PCLO: variants seen among roughly 807,000 people sequenced by gnomAD.
PCLO encodes the protein protein piccolo.
A neutral mutation model predicts 427.5 loss-of-function variants in PCLO; 82 were observed. The ratio of observed to expected loss-of-function variants is 0.19; its 90% CI spans 0.16 to 0.23. The LOEUF is 0.23. PCLO is among the 10% of genes least tolerant of loss of function. The pLI is 1.00. For synonymous variants in PCLO, 2,357 were observed against 2,155.4 expected (o/e 1.09, Z -2.59); for missense variants, 6,239 against 6,115.9 (o/e 1.02, Z -0.67).
At chr7:82,975,263 T>G (rs1795992223) in intron 3 of PCLO, among the ~76,000 whole-genome samples, 1 of 152,208 alleles carries the variant, frequency 6.6e-6, no homozygotes, top group Non-Finnish European at 1.5e-5. Flanking sequence ...ATTTTATGTT[T>G]GTTAAGATTA....
chr7:83,040,490 T>C (rs1236845040), intron 3 of PCLO, among the ~76,000 whole-genome samples: 2 of 152,260 alleles, frequency 1.3e-5, no homozygotes, highest in East Asian at 3.9e-4. Context: ...GGCTAATCTA[T>C]TCGAATTTGA....
At chr7:82,895,533 AATTGGGTCTTTGAAAAG>A (rs1270938205) in intron 9 of PCLO, among the ~76,000 whole-genome samples, 1 of 151,848 alleles carries the variant, frequency 6.6e-6, no homozygotes, top group Non-Finnish European at 1.5e-5. Context: ...TAAAAGCAAA[AATTGGGTCTTTGAAAAG>A]ATTGGCAAAA....
chr7:82,984,748 AT>A (rs1796222215), intron 3 of PCLO, among the ~76,000 whole-genome samples: 2 of 152,060 alleles, frequency 1.3e-5, no homozygotes, highest in South Asian at 4.1e-4. Context: ...TCATGCCTCT[AT>A]CCCTGGGAAA....
chr7:83,000,714 C>A (rs1787801701), intron 3 of PCLO, among the ~76,000 whole-genome samples: 1 of 151,974 alleles, frequency 6.6e-6, no homozygotes, highest in Admixed American at 6.6e-5. Flanking sequence ...TCCTAACAGG[C>A]CAGTCTGTTA....
At chr7:83,038,013 ATATATATATATATATATT>A (rs1788846705) in intron 3 of PCLO, among the ~76,000 whole-genome samples, 1 of 47,268 alleles carries the variant, frequency 2.1e-5, no homozygotes, top group African/African-American at 1.4e-4. Context: ...ATATATATAT[ATATATATATATATATATT>A]TATATATTTA....
chr7:83,124,966 G>A (rs56400347), intron 3 of PCLO, among the ~76,000 whole-genome samples: 6,218 of 152,208 alleles, frequency 0.041, 158 homozygotes, highest in South Asian at 0.071. Flanking sequence ...GTGTTGGCCG[G>A]GCTGGTCTCC....
chr7:83,097,184 A>G (rs1303480774), intron 3 of PCLO, among the ~76,000 whole-genome samples: 2 of 120,810 alleles, frequency 1.7e-5, no homozygotes, highest in Non-Finnish European at 3.2e-5. Context: ...ATTATATATT[A>G]TATATTATAT....
At chr7:83,134,105 A>G (rs1481210963) in intron 3 of PCLO, 145 bp downstream of exon 3, 2 of 274,904 alleles carry the variant, frequency 7.3e-6, no homozygotes, top group African/African-American at 4.4e-5. Flanking sequence ...GTAATAAGTA[A>G]TTGAAACTTC....
chr7:83,013,218 T>G (rs1788128422), intron 3 of PCLO, among the ~76,000 whole-genome samples: 1 of 152,194 alleles, frequency 6.6e-6, no homozygotes, highest in Non-Finnish European at 1.5e-5. Context: ...AGGGGTCTGA[T>G]ATAAACTGAT....
chr7:82,908,198 T>C (rs1003474012), intron 8 of PCLO, among the ~76,000 whole-genome samples: 2 of 152,082 alleles, frequency 1.3e-5, no homozygotes, highest in Non-Finnish European at 2.9e-5. Context: ...GTCTCGTAGT[T>C]GTATTTCAAA....
chr7:83,156,274 G>C lies in PCLO; in HGVS notation c.367C>G (p.Gln123Glu). 6.2e-7 allele frequency: 1 copy of C among 1,613,492 alleles called. No individual in the cohort carries two copies. The highest frequency in any genetic ancestry group is 8.5e-7 in the Non-Finnish European group (1 of 1,179,606). Residue 123 changes from glutamine to glutamate, a missense_variant, in exon 2 of 25, where the codon CAG (glutamine) becomes GAG (glutamate). Physicochemically the swap from Gln to Glu is conservative, Grantham distance 29. This residue lies in a region of PCLO where 4,677 missense variants were observed against 4,468.4 expected (regional missense o/e 1.05). Coordinates refer to ENST00000333891, the MANE Select transcript of PCLO (RefSeq NM_033026.6). The part of the protein sequence containing the change: ...SRTTDTFRSE[Q>E]KLPGRSPSTI... ...GAAGGACTCCTCCCAGGCAATTTCT[G>C]CTCTGACCTGAAAGTGTCTGTAGTT...
At chr7:83,030,857 G>A (rs1788649138) in intron 3 of PCLO, among the ~76,000 whole-genome samples, 1 of 152,118 alleles carries the variant, frequency 6.6e-6, no homozygotes, top group Non-Finnish European at 1.5e-5. Flanking sequence ...TGAGAATTGG[G>A]AGTAAAGACC....
At chr7:83,144,118 T>C (rs1339377017) in intron 2 of PCLO, among the ~76,000 whole-genome samples, 1 of 152,176 alleles carries the variant, frequency 6.6e-6, no homozygotes, top group Non-Finnish European at 1.5e-5. Context: ...GAAATAAACA[T>C]ACTTTTAAAA....
chr7:82,964,031 T>TG (rs367683011), intron 4 of PCLO, among the ~76,000 whole-genome samples: 4 of 152,298 alleles, frequency 2.6e-5, no homozygotes, highest in African/African-American at 9.6e-5. Flanking sequence ...ATCTGAGTGA[T>TG]GGAGTTCAAT....
At position 83,139,979 on chromosome 7, in the gene PCLO, C is replaced by T. The variant is rs558363955; in HGVS notation, c.1894-4323G>A. ...AGCCCCGATGCAACTGACAAAAAGA[C>T]AAAAGAAAAAGAAAAAAGAAAAAAA... On this transcript the variant is annotated intron_variant, in intron 2 of 24. Transcript: ENST00000333891. Among the ~76,000 whole-genome samples, 9 of 151,888 alleles carry T rather than the reference C, an allele frequency of 5.9e-5. No homozygotes were observed. In the East Asian group the frequency reaches 1.4e-3, roughly 23 times the overall value.
chr7:83,081,023 A>G (rs1385152445), intron 3 of PCLO, among the ~76,000 whole-genome samples: 1 of 151,970 alleles, frequency 6.6e-6, no homozygotes, highest in Non-Finnish European at 1.5e-5. Flanking sequence ...CTATTTTTGA[A>G]CCACGGTTTA....
At chr7:82,821,788 T>C (rs1791798367) in intron 20 of PCLO, 1 of 982,390 alleles carries the variant, frequency 1.0e-6, no homozygotes, top group Admixed American at 6.1e-5. Context: ...ATTGTGCTCC[T>C]CAGTGAGGTT....
intron 22 of PCLO, among the ~76,000 whole-genome samples, chr7:82,766,691 T>C (rs1790538332): frequency 6.6e-6 from 1 of 152,094 alleles, no homozygotes; most frequent in Non-Finnish European, 1.5e-5. Flanking sequence ...TAGTCTTCCA[T>C]TATAGGCCTA....
intron 3 of PCLO, among the ~76,000 whole-genome samples, chr7:82,983,292 T>C (rs1162584386): frequency 3.3e-5 from 5 of 151,316 alleles, no homozygotes; most frequent in East Asian, 3.9e-4. Context: ...CCTATACTTA[T>C]AATTAGCACT....
Sources: allele counts gnomAD v4.1 joint callset (sites outside exome capture counted in the v4.1 genomes callset), GRCh38; gene constraint gnomAD v4.1.1; regional missense constraint gnomAD v4.1.1; transcripts MANE v1.5; gene names NCBI Gene and HGNC (gene_info 2026-07-23, HGNC 2026-07-21).